TET1: variants seen among roughly 807,000 people sequenced by gnomAD.
The protein encoded by TET1 is tet methylcytosine dioxygenase 1, also known as methylcytosine dioxygenase TET1.
Under a neutral mutation model 148.7 loss-of-function variants are expected in TET1, and 13 were observed. That is an observed-to-expected ratio of 0.09 (90% confidence interval 0.06 to 0.14). TET1 has a LOEUF of 0.14. TET1 is among the 10% of genes least tolerant of loss of function. The probability of loss-of-function intolerance (pLI) is 1.00; values close to 1 mark genes in which losing one functional copy is unlikely to be tolerated. For missense variants in TET1, 2,182 were observed against 2,553.8 expected, an observed-to-expected ratio of 0.85 and a Z score of 3.14; for synonymous variants, 907 against 937.2, an observed-to-expected ratio of 0.97 and a Z score of 0.59.
chr10:68,668,385 C>T (rs2173369), intron 7 of TET1, among the ~76,000 whole-genome samples: 143,450 of 152,312 alleles, frequency 0.94, 67,591 homozygotes, highest in East Asian at 0.98. Context: ...CTCATCAACG[C>T]TGTAGCAATA....
chr10:68,596,047 CAT>C (rs2053985790), intron 2 of TET1, among the ~76,000 whole-genome samples: 1 of 94,452 alleles, frequency 1.1e-5, no homozygotes, highest in African/African-American at 4.5e-5. Context: ...TATATATACA[CAT>C]TTTTTTTTTG....
In TET1 at chr10:68,656,340, G is replaced by T. The variant is rs181406552; in HGVS notation, c.4461+3746G>T. On this transcript the variant is annotated intron_variant, in intron 6 of 11. Coordinates refer to ENST00000373644, the MANE Select transcript of TET1 (RefSeq NM_030625.3). ...TGCAGTGGCTCAATCTCGGCTCACTGCAAGCTCCGCCTCCTGGGTTCACAC... is the reference window on the plus strand; with the variant it reads ...TGCAGTGGCTCAATCTCGGCTCACTTCAAGCTCCGCCTCCTGGGTTCACAC... Among the ~76,000 whole-genome samples the T allele has an allele frequency of 2.4e-4, 37 of 152,256 alleles. No individual in the cohort carries two copies. The East Asian group carries it at 6.4e-3, about 26-fold the overall frequency.
At chr10:68,594,577 G>A (rs576704624) in intron 2 of TET1, among the ~76,000 whole-genome samples, 13 of 152,082 alleles carry the variant, frequency 8.5e-5, no homozygotes, top group Non-Finnish European at 1.8e-4. Context: ...TGGACCAACC[G>A]CTTACATCCG....
In TET1 at chr10:68,645,006, C is replaced by A. The variant is rs2133084241; in HGVS notation, c.2277C>A (p.Gly759=). 6.2e-7 allele frequency: 1 copy of A among 1,613,572 alleles called. No individual in the cohort carries two copies. The highest frequency in any genetic ancestry group is 2.2e-5 in the East Asian group (1 of 44,852). The change falls in exon 4 of 12, where the codon GGC becomes GGA. Residue 759 remains glycine, a synonymous_variant. Coordinates refer to ENST00000373644, the MANE Select transcript of TET1 (RefSeq NM_030625.3). ...TGTTTGTACAAACCGTAAGAAATGGCATTAAACATGTACACTGTTTACCAG... is the reference window on the plus strand; with the variant it reads ...TGTTTGTACAAACCGTAAGAAATGGAATTAAACATGTACACTGTTTACCAG... The part of the protein sequence containing the change: ...PKLFVQTVRN[G]IKHVHCLPAE...
intron 3 of TET1, among the ~76,000 whole-genome samples, chr10:68,602,958 G>A (rs2795886): frequency 0.034 from 5,125 of 152,244 alleles, 114 homozygotes; most frequent in Middle Eastern, 0.068. Context: ...AGCTTGATGT[G>A]TATAAAATTC....
Position 68,596,595 on chromosome 10 carries a change from C to T in TET1, c.1915-4386C>T, listed in dbSNP as rs542137925. ...TGAGCCACTGCACCTGGCCTCTGCT[C>T]AGAATTTCTGACTATTCTCTCCCAT... On this transcript the variant is annotated intron_variant, in intron 2 of 11. Coordinates refer to ENST00000373644, the MANE Select transcript of TET1 (RefSeq NM_030625.3). Among the ~76,000 whole-genome samples the T allele has an allele frequency of 9.9e-4, 150 of 152,272 alleles. 1 individual carries two copies. The highest frequency in any genetic ancestry group is 3.5e-3 in the African/African-American group (147 of 41,552).
Position 68,673,045 on chromosome 10 carries a change from T to C in TET1, c.4824T>C (p.His1608=). Residue 1608 remains histidine, a splice_region_variant and synonymous_variant, in exon 8 of 12, where the codon CAT becomes CAC. Coordinates refer to ENST00000373644, the MANE Select transcript of TET1 (RefSeq NM_030625.3). ...GAATTGATCCAAGCTCTCCCTTACA[T>C]GTAAGTGTCCTTCTTTATTCAAATA... ...RFRIDPSSPL[H]EKNLEDNLQS... is the part of the protein sequence containing the mutation. 1 of 1,602,624 alleles carries C rather than the reference T, an allele frequency of 6.2e-7. No individual in the cohort carries two copies. Among genetic ancestry groups the C allele is most frequent in the Non-Finnish European group, 8.5e-7 (1 of 1,172,548 alleles).
chr10:68,574,914 C>T (rs1250492278), intron 2 of TET1, among the ~76,000 whole-genome samples: 1 of 152,158 alleles, frequency 6.6e-6, no homozygotes, highest in Non-Finnish European at 1.5e-5. Flanking sequence ...GTTAAAGGAT[C>T]TGTTGATTTA....
chr10:68,686,832 AC>A (rs1441368173), intron 11 of TET1, 125 bp downstream of exon 11: 4 of 876,108 alleles, frequency 4.6e-6, no homozygotes, highest in Non-Finnish European at 6.8e-6. Context: ...ATATACCAGA[AC>A]CAAAAGTCAA....
At chr10:68,675,848 A>G (rs1444876916) in intron 8 of TET1, among the ~76,000 whole-genome samples, 1 of 151,952 alleles carries the variant, frequency 6.6e-6, no homozygotes, top group African/African-American at 2.4e-5. Context: ...GCTCTTTTAT[A>G]AAGCTATTTT....
At chr10:68,564,720 C>T (rs2053588668) in intron 1 of TET1, among the ~76,000 whole-genome samples, 1 of 152,094 alleles carries the variant, frequency 6.6e-6, no homozygotes, top group South Asian at 2.1e-4. Flanking sequence ...GAAGACATTC[C>T]AGGTTAGAAT....
At chr10:68,643,636 C>T (rs899638529) in intron 3 of TET1, among the ~76,000 whole-genome samples, 6 of 151,970 alleles carry the variant, frequency 3.9e-5, no homozygotes, top group African/African-American at 1.4e-4. Flanking sequence ...GCCTGGCCAA[C>T]ATTGTGAAAC....
intron 3 of TET1, among the ~76,000 whole-genome samples, chr10:68,628,664 T>A (rs2054524666): frequency 6.6e-6 from 1 of 152,224 alleles, no homozygotes. Flanking sequence ...GTCACCTTTG[T>A]CCAGTTCTTA....
At chr10:68,619,274 T>C (rs988711654) in intron 3 of TET1, among the ~76,000 whole-genome samples, 2 of 152,158 alleles carry the variant, frequency 1.3e-5, no homozygotes, top group Non-Finnish European at 2.9e-5. Context: ...TCACCCAGGC[T>C]GGTGTGCAGT....
chr10:68,642,221 C>T (rs1051249622), intron 3 of TET1, among the ~76,000 whole-genome samples: 6 of 152,092 alleles, frequency 3.9e-5, no homozygotes, highest in African/African-American at 1.4e-4. Context: ...CAGTCCAGCA[C>T]TTCAAAATCA....
Position 68,691,446 on chromosome 10 carries a change from C to T in TET1, c.6043C>T (p.His2015Tyr). ...NIGGVAIAPAHGSVLIECARR... is the reference protein window; with the variant it reads ...NIGGVAIAPAYGSVLIECARR... ...TGGTGGGGTGGCCATCGCACCTGCT[C>T]ACGGCTCGGTTTTGATTGAGTGTGC... is the stretch of plus-strand genomic sequence containing the variant. The change falls in exon 12 of 12, where the codon CAC (histidine) becomes TAC (tyrosine). Residue 2015 changes from histidine (H) to tyrosine (Y), a missense_variant. By Grantham distance (83) the His-to-Tyr change is moderately conservative. This residue lies in a region of TET1 where 11 missense variants were observed against 44.0 expected (regional missense o/e 0.25). Coordinates refer to ENST00000373644, the MANE Select transcript of TET1 (RefSeq NM_030625.3). This position sits in a 1 kb window ranked among gnomAD's most constrained non-coding sequence, Gnocchi z 4.4. The T allele has an allele frequency of 6.2e-7, 1 of 1,614,118 alleles. No individual in the cohort carries two copies. The highest frequency in any genetic ancestry group is 8.5e-7 in the Non-Finnish European group (1 of 1,180,042).
intron 6 of TET1, among the ~76,000 whole-genome samples, chr10:68,657,138 G>T (rs1029222979): frequency 6.6e-6 from 1 of 152,106 alleles, no homozygotes; most frequent in African/African-American, 2.4e-5. Flanking sequence ...AGTAGTTGGA[G>T]ACCAGCTTGG....
intron 3 of TET1, among the ~76,000 whole-genome samples, chr10:68,641,823 A>T (rs1461979236): frequency 1.3e-5 from 2 of 152,042 alleles, no homozygotes; most frequent in Non-Finnish European, 2.9e-5. Context: ...TATTGAGACG[A>T]TGTCTCATTC....
intron 3 of TET1, among the ~76,000 whole-genome samples, chr10:68,626,472 G>T (rs1440165590): frequency 6.6e-6 from 1 of 150,638 alleles, no homozygotes; most frequent in Non-Finnish European, 1.5e-5. Context: ...AAGTGCTGGG[G>T]TAACAGGTGT....
Sources: allele counts gnomAD v4.1 joint callset (sites outside exome capture counted in the v4.1 genomes callset), GRCh38; gene constraint gnomAD v4.1.1; regional missense constraint gnomAD v4.1.1; non-coding constraint Gnocchi (gnomAD v3.1); transcripts MANE v1.5; gene names NCBI Gene and HGNC (gene_info 2026-07-23, HGNC 2026-07-21).